Variants in ADAMTSL1 observed in about 807,000 individuals in gnomAD.
ADAMTSL1 encodes the protein ADAMTS like 1.
A neutral mutation model predicts 201.8 loss-of-function variants in ADAMTSL1; 126 were observed. The observed-to-expected ratio is 0.62, with a 90% CI of 0.54 to 0.72. ADAMTSL1 has a LOEUF of 0.72. Among genes scored for constraint, ADAMTSL1 ranks in the 30% least tolerant of loss-of-function variants. ADAMTSL1 has a pLI of 0.00. For missense variants in ADAMTSL1, 2,679 were observed against 2,277.8 expected (o/e 1.18, Z -3.59); for synonymous variants, 1,121 against 903.4 (o/e 1.24, Z -4.32).
intron 3 of ADAMTSL1, among the ~76,000 whole-genome samples, chr9:18,573,678 T>C (rs1385330032): frequency 1.3e-5 from 2 of 152,184 alleles, no homozygotes; most frequent in South Asian, 2.1e-4. Context: ...TTTACTAGGT[T>C]CTACTTATGA....
intron 1 of ADAMTSL1, among the ~76,000 whole-genome samples, chr9:17,981,747 G>A (rs535032376): frequency 7.2e-5 from 11 of 152,302 alleles, no homozygotes; most frequent in African/African-American, 2.6e-4. Flanking sequence ...CACATTGTTA[G>A]ATACAGGTTC....
intron 1 of ADAMTSL1, among the ~76,000 whole-genome samples, chr9:17,947,347 C>CACA (rs1563913389): frequency 2.4e-4 from 27 of 113,112 alleles, no homozygotes; most frequent in African/African-American, 8.4e-4. Flanking sequence ...ACACACACAC[C>CACA]CCACTATGCA....
At chr9:18,174,852 A>G (rs1453308723) in intron 2 of ADAMTSL1, among the ~76,000 whole-genome samples, 1 of 152,198 alleles carries the variant, frequency 6.6e-6, no homozygotes, top group African/African-American at 2.4e-5. Context: ...CTAAATTTAA[A>G]AAATGGTAGC....
At chr9:18,555,588 A>G (rs1287018408) in intron 3 of ADAMTSL1, among the ~76,000 whole-genome samples, 1 of 151,842 alleles carries the variant, frequency 6.6e-6, no homozygotes, top group Non-Finnish European at 1.5e-5. Context: ...ATAGAAAAAA[A>G]CAACAATGTA....
chr9:17,925,854 A>G (rs953752739), intron 1 of ADAMTSL1, among the ~76,000 whole-genome samples: 77 of 88,318 alleles, frequency 8.7e-4, no homozygotes, highest in Admixed American at 1.5e-3. Context: ...TTAAAGTATA[A>G]TTAAAAAAAA....
chr9:18,549,953 T>C (rs558145498), intron 3 of ADAMTSL1, among the ~76,000 whole-genome samples: 8 of 152,136 alleles, frequency 5.3e-5, no homozygotes, highest in South Asian at 2.1e-4. Context: ...AGGTGACTCG[T>C]ATGCACATTA....
intron 2 of ADAMTSL1, among the ~76,000 whole-genome samples, chr9:18,379,065 G>A (rs1208780244): frequency 6.6e-6 from 1 of 152,166 alleles, no homozygotes; most frequent in Non-Finnish European, 1.5e-5. Context: ...TTTCTGTAAG[G>A]AAGGAGGCAG....
chr9:17,966,318 A>T (rs1352035207), intron 1 of ADAMTSL1, among the ~76,000 whole-genome samples: 1 of 152,134 alleles, frequency 6.6e-6, no homozygotes, highest in African/African-American at 2.4e-5. Flanking sequence ...TTAACTTTTT[A>T]CTGTAAAATA....
chr9:18,517,529 T>C (rs1032940705), intron 2 of ADAMTSL1, among the ~76,000 whole-genome samples: 12 of 151,802 alleles, frequency 7.9e-5, no homozygotes, highest in Non-Finnish European at 1.8e-4. Context: ...GAACTCGTCA[T>C]CTAGCATTAG....
At chr9:18,852,028 C>G (rs921354399) in intron 23 of ADAMTSL1, among the ~76,000 whole-genome samples, 1 of 152,138 alleles carries the variant, frequency 6.6e-6, no homozygotes, top group Non-Finnish European at 1.5e-5. Context: ...CTAATGGTTG[C>G]GTGACATTGC....
chr9:18,181,848 T>C (rs1365366037), intron 2 of ADAMTSL1, among the ~76,000 whole-genome samples: 1 of 151,610 alleles, frequency 6.6e-6, no homozygotes, highest in Non-Finnish European at 1.5e-5. Flanking sequence ...GTATGTTTAT[T>C]GCGGCATTAT....
In ADAMTSL1 at chr9:18,680,398, T is replaced by C. The variant is rs1205465127; in HGVS notation, c.1223T>C (p.Ile408Thr). Residue 408 changes from isoleucine to threonine, a missense_variant, in exon 11 of 29, where the codon ATC (isoleucine) becomes ACC (threonine). Physicochemically the swap from Ile to Thr is moderately conservative, Grantham distance 89. Coordinates refer to ENST00000380548, the MANE Select transcript of ADAMTSL1 (RefSeq NM_001040272.6). Reference protein sequence around the residue: ...SRAVSCVEEDIQGHVTSVEEW... With the variant: ...SRAVSCVEEDTQGHVTSVEEW... ...GCAGTTTCCTGTGTGGAGGAGGACA[T>C]CCAGGGGCATGTCACTTCAGTGGAA... 1 of 1,614,098 alleles carries C rather than the reference T, an allele frequency of 6.2e-7. No individual in the cohort carries two copies. Among genetic ancestry groups the C allele is most frequent in the Admixed American group, 1.7e-5 (1 of 60,014 alleles).
chr9:18,399,062 C>T (rs571746990), intron 2 of ADAMTSL1, among the ~76,000 whole-genome samples: 16 of 151,756 alleles, frequency 1.1e-4, no homozygotes, highest in African/African-American at 3.6e-4. Context: ...GTTAGATGTT[C>T]TCTCCTGGGG....
At chr9:18,717,770 A>G (rs536006064) in intron 14 of ADAMTSL1, among the ~76,000 whole-genome samples, 3 of 152,358 alleles carry the variant, frequency 2.0e-5, no homozygotes, top group South Asian at 4.1e-4. Flanking sequence ...GGACTATTAT[A>G]TAAGTAAAAA....
At chr9:18,437,624 G>C (rs552791056) in intron 2 of ADAMTSL1, among the ~76,000 whole-genome samples, 2 of 152,124 alleles carry the variant, frequency 1.3e-5, no homozygotes, top group African/African-American at 4.8e-5. Context: ...TAGGGTCTGA[G>C]TTACAGAGAT....
At chr9:18,319,353 C>T (rs1439675095) in intron 2 of ADAMTSL1, among the ~76,000 whole-genome samples, 5 of 152,100 alleles carry the variant, frequency 3.3e-5, no homozygotes. Flanking sequence ...TTTTATGTGG[C>T]CTCAGCCTAT....
chr9:17,927,893 T>C (rs1426825111), intron 1 of ADAMTSL1, among the ~76,000 whole-genome samples: 1 of 152,156 alleles, frequency 6.6e-6, no homozygotes, highest in Non-Finnish European at 1.5e-5. Flanking sequence ...TAGTGGACAC[T>C]TGAGTTGCTT....
At chr9:18,860,244 C>G (rs578094543) in intron 23 of ADAMTSL1, among the ~76,000 whole-genome samples, 27 of 152,176 alleles carry the variant, frequency 1.8e-4, no homozygotes, top group Non-Finnish European at 3.7e-4. Flanking sequence ...AAAAATATAT[C>G]TTGCCCAGGC....
intron 2 of ADAMTSL1, among the ~76,000 whole-genome samples, chr9:18,345,486 CTA>C (rs892074118): frequency 6.6e-6 from 1 of 152,050 alleles, no homozygotes; most frequent in Non-Finnish European, 1.5e-5. Flanking sequence ...TGTAGGAATG[CTA>C]TGTTTTCTAG....
Sources: allele counts gnomAD v4.1 joint callset (sites outside exome capture counted in the v4.1 genomes callset), GRCh38; gene constraint gnomAD v4.1.1; transcripts MANE v1.5; gene names NCBI Gene and HGNC (gene_info 2026-07-23, HGNC 2026-07-21).